NEK1: variants seen among roughly 807,000 people sequenced by gnomAD.
NEK1 encodes the protein NIMA related kinase 1, also known as serine/threonine-protein kinase Nek1.
A neutral mutation model predicts 182.1 loss-of-function variants in NEK1; 137 were observed. That is an observed-to-expected ratio of 0.75 (90% CI 0.65 to 0.87). The LOEUF (loss-of-function observed/expected upper bound fraction) is 0.87, where lower values mean the gene tolerates loss of function less well. Ranked by LOEUF, NEK1 falls within the 40% of genes least tolerant of loss-of-function variation. The pLI is 0.00. For synonymous variants in NEK1, 513 were observed against 492.2 expected (o/e 1.04, Z -0.56); for missense variants, 1,391 against 1,494.4 (o/e 0.93, Z 1.14).
intron 27 of NEK1, among the ~76,000 whole-genome samples, chr4:169,443,403 G>C (rs1209533917): frequency 2.0e-5 from 2 of 102,020 alleles, no homozygotes; most frequent in South Asian, 5.8e-4. Context: ...TTACAACTGA[G>C]AGCTTCAACA....
intron 23 of NEK1, among the ~76,000 whole-genome samples, chr4:169,494,301 A>G (rs1036163934): frequency 2.0e-5 from 3 of 151,676 alleles, no homozygotes; most frequent in African/African-American, 7.3e-5. Context: ...TCCTGTGTCC[A>G]TGTGTTCTCA....
At chr4:169,573,158 T>C (rs1305423996) in intron 12 of NEK1, among the ~76,000 whole-genome samples, 3 of 152,182 alleles carry the variant, frequency 2.0e-5, no homozygotes, top group Non-Finnish European at 2.9e-5. Context: ...TGATCCTAAC[T>C]GGGAACAGAA....
At chr4:169,586,077 T>TA (rs1419686225) in intron 9 of NEK1, among the ~76,000 whole-genome samples, 1 of 151,996 alleles carries the variant, frequency 6.6e-6, no homozygotes, top group Admixed American at 6.6e-5. Context: ...ATCAGCAATA[T>TA]AAAAAATATC....
At chr4:169,544,240 A>T (rs1011738511) in intron 18 of NEK1, among the ~76,000 whole-genome samples, 1 of 152,118 alleles carries the variant, frequency 6.6e-6, no homozygotes, top group Non-Finnish European at 1.5e-5. Flanking sequence ...GGTTTTTGTC[A>T]TTAGTTCTGT....
rs1293218611 is a variant in NEK1, at chr4:169,589,526, A to AG, written c.397-13dup. 7.1e-7 allele frequency: 1 copy of AG among 1,406,740 alleles called. No homozygotes were observed. The highest frequency in any genetic ancestry group is 1.5e-5 in the African/African-American group (1 of 68,358). The allele number at this position is 1,406,740 out of a possible 1,614,324, so 87.1% of individuals were successfully genotyped here. A position where few individuals can be genotyped will look rare whatever the true frequency, so the allele number is the denominator to read the frequency against. On this transcript the variant is annotated splice_polypyrimidine_tract_variant and intron_variant, in intron 6 of 35. Coordinates refer to ENST00000507142, the MANE Select transcript of NEK1 (RefSeq NM_001199397.3). ...GTTAAAAATATGTTCTGTAAAAGAC[A>AG]GGAAAAAAAAAAACCCTAGAAATAT...
intron 23 of NEK1, among the ~76,000 whole-genome samples, chr4:169,501,622 G>A (rs1239827612): frequency 6.6e-6 from 1 of 151,938 alleles, no homozygotes; most frequent in African/African-American, 2.4e-5. Context: ...ACAAATACAT[G>A]GAAAGTAAAC....
chr4:169,480,484 A>G (rs1242694151), intron 23 of NEK1, among the ~76,000 whole-genome samples: 1 of 149,224 alleles, frequency 6.7e-6, no homozygotes, highest in Non-Finnish European at 1.5e-5. Context: ...AAAACAATGT[A>G]CACACCTTAA....
intron 23 of NEK1, among the ~76,000 whole-genome samples, chr4:169,500,600 T>G (rs568988075): frequency 6.6e-6 from 1 of 152,328 alleles, no homozygotes; most frequent in South Asian, 2.1e-4. Context: ...ATTGGTGGCC[T>G]ATTTTTAGCC....
Position 169,518,783 on chromosome 4 carries a change from C to G in NEK1, c.1666-9931G>C, listed in dbSNP as rs1403621456. 1.3e-4 allele frequency among the ~76,000 whole-genome samples: 11 copies of G among 81,794 alleles called. No individual in the cohort carries two copies. The South Asian group carries it at 3.7e-3, about 28-fold the overall frequency. The allele number at this position is 81,794 out of a possible 152,430, so 53.7% of individuals were successfully genotyped here. A position where few individuals can be genotyped will look rare whatever the true frequency, so the allele number is the denominator to read the frequency against. ...TATGTACCCAGTAGTCATTCAGGAG[C>G]AGGTTGTTCAGTTTCCATGTAGTTG... On this transcript the variant is annotated intron_variant, in intron 19 of 35. Transcript: ENST00000507142.
At chr4:169,573,952 G>C (rs1765278595) in intron 12 of NEK1, among the ~76,000 whole-genome samples, 1 of 151,974 alleles carries the variant, frequency 6.6e-6, no homozygotes, top group Admixed American at 6.6e-5. Flanking sequence ...CTTGAGCCCA[G>C]GAGTTTGAGA....
At position 169,409,700 on chromosome 4, in the gene NEK1, G is replaced by A. The variant is rs564526192; in HGVS notation, c.3223-2953C>T. ...GGAGAATTGCTTAAACCTAGGAGGC[G>A]GAGGTTGTAGTGAGCCGAGATCACA... On this transcript the variant is annotated intron_variant, in intron 31 of 35. Transcript: ENST00000507142. Among the ~76,000 whole-genome samples the A allele has an allele frequency of 3.6e-3, 549 of 151,978 alleles. 3 individuals are homozygous for A. The highest frequency in any genetic ancestry group is 0.021 in the South Asian group (102 of 4,790).
At chr4:169,429,911 A>C (rs181703961) in intron 29 of NEK1, among the ~76,000 whole-genome samples, 1 of 152,190 alleles carries the variant, frequency 6.6e-6, no homozygotes, top group Non-Finnish European at 1.5e-5. Flanking sequence ...CTCCTTTAAA[A>C]ATTTTTTATT....
chr4:169,601,529 C>G (rs1770488992), intron 4 of NEK1, among the ~76,000 whole-genome samples: 1 of 151,974 alleles, frequency 6.6e-6, no homozygotes, highest in Non-Finnish European at 1.5e-5. Context: ...TAGTGAGGTA[C>G]AGAGGAGCAT....
chr4:169,414,853 A>G (rs1734263723), intron 31 of NEK1, among the ~76,000 whole-genome samples: 1 of 152,248 alleles, frequency 6.6e-6, no homozygotes, highest in South Asian at 2.1e-4. Context: ...AATGAACAAA[A>G]TGGTGAATGA....
chr4:169,394,536 G>A lies in NEK1; in HGVS notation c.3848-13C>T. On this transcript the variant is annotated splice_polypyrimidine_tract_variant and intron_variant, in intron 35 of 35. Transcript: ENST00000507142. ...TATTCATCATTATCTGTAGAAAAAA[G>A]AAAAAAATTGACTTCATTTCAAATC... is the stretch of plus-strand genomic sequence containing the variant. 7.3e-7 allele frequency: 1 copy of A among 1,374,222 alleles called. No individual in the cohort carries two copies. Among genetic ancestry groups the A allele is most frequent in the Non-Finnish European group, 1.0e-6 (1 of 1,000,920 alleles). 85.1% of individuals were successfully genotyped at this position (1,374,222 alleles called of 1,614,324 possible).
At position 169,504,707 on chromosome 4, in the gene NEK1, G is replaced by A. The variant is rs745763786; in HGVS notation, c.2007+2330C>T. On this transcript the variant is annotated intron_variant, in intron 23 of 35. Transcript: ENST00000507142. ...TTAAAACAATTGAATTCATGGAAAC[G>A]GAACATGATTGTTATCAAAAGCTGG... is the stretch of plus-strand genomic sequence containing the variant. 7.9e-5 allele frequency among the ~76,000 whole-genome samples: 12 copies of A among 152,062 alleles called. No individual in the cohort carries two copies. The East Asian group carries it at 9.6e-4, about 12-fold the overall frequency.
chr4:169,440,715 T>C (rs1366833604), intron 27 of NEK1, among the ~76,000 whole-genome samples: 1 of 152,012 alleles, frequency 6.6e-6, no homozygotes. Flanking sequence ...TGCAGGAAAA[T>C]GGTAAGAGAG....
At chr4:169,593,988 C>CAAA (rs1218657771) in intron 5 of NEK1, among the ~76,000 whole-genome samples, 1 of 74,272 alleles carries the variant, frequency 1.3e-5, no homozygotes, top group Non-Finnish European at 3.0e-5. Flanking sequence ...GACTCCGTCT[C>CAAA]AAAAAAAAAA....
intron 26 of NEK1, among the ~76,000 whole-genome samples, chr4:169,463,721 A>AT (rs1353243349): frequency 6.6e-6 from 1 of 152,094 alleles, no homozygotes; most frequent in African/African-American, 2.4e-5. Context: ...TGGATTTTGA[A>AT]TTTTTTTCAG....
Sources: gnomAD v4.1 joint callset for allele counts (sites outside exome capture counted in the v4.1 genomes callset) on GRCh38, gnomAD v4.1.1 for gene constraint, MANE v1.5 for transcripts, NCBI Gene and HGNC (gene_info 2026-07-23, HGNC 2026-07-21) for gene names.